AKAP6: variants seen among roughly 807,000 people sequenced by gnomAD.
AKAP6 encodes the protein A-kinase anchor protein 6.
AKAP6 carries 58 observed loss-of-function variants against 188.5 expected under a neutral mutation model. That is an observed-to-expected ratio of 0.31 (90% CI 0.25 to 0.38). AKAP6 has a LOEUF of 0.38. Among genes scored for constraint, AKAP6 ranks in the 10% least tolerant of loss-of-function variants. AKAP6 has a pLI of 1.00. For synonymous variants in AKAP6, 989 were observed against 998.6 expected, an observed-to-expected ratio of 0.99 and a Z score of 0.18; for missense variants, 2,710 against 2,740.0, an observed-to-expected ratio of 0.99 and a Z score of 0.24.
chr14:32,786,500 A>G (rs1448297633), intron 12 of AKAP6, among the ~76,000 whole-genome samples: 1 of 148,902 alleles, frequency 6.7e-6, no homozygotes, highest in East Asian at 2.0e-4. Context: ...TTATTTTTTT[A>G]TTTTTAGTAG....
At chr14:32,582,538 C>T (rs1885024700) in intron 5 of AKAP6, among the ~76,000 whole-genome samples, 1 of 152,094 alleles carries the variant, frequency 6.6e-6, no homozygotes, top group Admixed American at 6.5e-5. Flanking sequence ...GTTGGCCTGC[C>T]TTGCTAGACT....
At chr14:32,402,668 C>T (rs1889135990) in intron 1 of AKAP6, among the ~76,000 whole-genome samples, 1 of 151,978 alleles carries the variant, frequency 6.6e-6, no homozygotes, top group South Asian at 2.1e-4. Flanking sequence ...ATTATCCACA[C>T]AAGATCCACT....
chr14:32,435,483 T>C (rs189379823), intron 2 of AKAP6, among the ~76,000 whole-genome samples: 2 of 152,342 alleles, frequency 1.3e-5, no homozygotes, highest in East Asian at 3.9e-4. Flanking sequence ...ATTTAGTGTT[T>C]GAGAAACCAA....
At chr14:32,687,454 C>CTT (rs1261987239) in intron 8 of AKAP6, among the ~76,000 whole-genome samples, 1 of 132,890 alleles carries the variant, frequency 7.5e-6, no homozygotes, top group Non-Finnish European at 1.6e-5. Flanking sequence ...CTCTCTTTCT[C>CTT]TTTTTTTTTT....
chr14:32,606,761 A>G (rs1301369987), intron 7 of AKAP6, among the ~76,000 whole-genome samples: 1 of 152,162 alleles, frequency 6.6e-6, no homozygotes, highest in African/African-American at 2.4e-5. Flanking sequence ...GATTGAAGTC[A>G]TCTTCCTTTG....
chr14:32,428,297 T>C (rs1008053573), intron 1 of AKAP6, among the ~76,000 whole-genome samples: 7 of 152,114 alleles, frequency 4.6e-5, no homozygotes, highest in Admixed American at 2.0e-4. Context: ...TCACTGCTTG[T>C]TTGCAAAAGG....
At chr14:32,732,669 A>G in intron 10 of AKAP6, 69 bp downstream of exon 10, 1 of 1,539,178 alleles carries the variant, frequency 6.5e-7, no homozygotes, top group Non-Finnish European at 8.9e-7. Context: ...ACTCTGTCCG[A>G]TTTCTAATTT....
chr14:32,682,259 C>T (rs1384305978), intron 8 of AKAP6, among the ~76,000 whole-genome samples: 1 of 152,162 alleles, frequency 6.6e-6, no homozygotes, highest in African/African-American at 2.4e-5. Context: ...CAAAGACATA[C>T]CACAGTCTCT....
At chr14:32,651,998 G>A (rs1219492185) in intron 7 of AKAP6, among the ~76,000 whole-genome samples, 1 of 151,928 alleles carries the variant, frequency 6.6e-6, no homozygotes, top group Non-Finnish European at 1.5e-5. Context: ...TATTCCCTTA[G>A]GAATCTTATC....
intron 12 of AKAP6, among the ~76,000 whole-genome samples, chr14:32,786,465 G>C (rs925224254): frequency 6.9e-6 from 1 of 144,044 alleles, no homozygotes; most frequent in Admixed American, 7.1e-5. Context: ...CCACCACCAC[G>C]CCCGGCTAAT....
At chr14:32,725,153 C>G (rs113819536) in intron 9 of AKAP6, among the ~76,000 whole-genome samples, 2,203 of 152,096 alleles carry the variant, frequency 0.014, 50 homozygotes, top group African/African-American at 0.051. Context: ...TAAACTTTTC[C>G]CCTTTTACTA....
chr14:32,386,101 T>G (rs1888530040), intron 1 of AKAP6, among the ~76,000 whole-genome samples: 1 of 151,840 alleles, frequency 6.6e-6, no homozygotes, highest in South Asian at 2.1e-4. Flanking sequence ...TAAAGACTTC[T>G]TTTCCTCTGG....
At position 32,473,053 on chromosome 14, in the gene AKAP6, C is replaced by T. The variant is rs1382412655; in HGVS notation, c.324+39236C>T. Among the ~76,000 whole-genome samples, 3 of 152,134 alleles carry T rather than the reference C, an allele frequency of 2.0e-5. No homozygotes were observed. In the East Asian group the frequency reaches 5.8e-4, roughly 29 times the overall value. On this transcript the variant is annotated intron_variant, in intron 2 of 13. Coordinates refer to ENST00000280979, the MANE Select transcript of AKAP6 (RefSeq NM_004274.5). ...AGCTCACCCAAACACACATATTTGC[C>T]TAAATATAAATCCCTGTGGAATGTT...
rs1379091399 is a variant in AKAP6, at chr14:32,786,305, T to G, written c.3588+12412T>G. 2.5e-4 allele frequency among the ~76,000 whole-genome samples: 19 copies of G among 75,978 alleles called. 6 individuals carry two copies. The highest frequency in any genetic ancestry group is 2.1e-3 in the East Asian group (4 of 1,938). The allele number at this position is 75,978 out of a possible 152,430, so 49.8% of individuals were successfully genotyped here. A position where few individuals can be genotyped will look rare whatever the true frequency, so the allele number is the denominator to read the frequency against. ...AAAGACCTAAACCTTTATCTTTTTT[T>G]TTTTTTTTTTTTTTTTTTTTGAGAC... On this transcript the variant is annotated intron_variant, in intron 12 of 13. Coordinates refer to ENST00000280979, the MANE Select transcript of AKAP6 (RefSeq NM_004274.5).
chr14:32,804,427 C>T (rs998121423), intron 12 of AKAP6, among the ~76,000 whole-genome samples: 1 of 152,084 alleles, frequency 6.6e-6, no homozygotes, highest in South Asian at 2.1e-4. Flanking sequence ...AGTCTCAGAC[C>T]AGCAAGTTTT....
chr14:32,440,014 G>C (rs61981139), intron 2 of AKAP6, among the ~76,000 whole-genome samples: 12,145 of 152,126 alleles, frequency 0.08, 646 homozygotes, highest in South Asian at 0.22. Flanking sequence ...CATTTAGCAG[G>C]TTGTGAAATC....
intron 1 of AKAP6, among the ~76,000 whole-genome samples, chr14:32,365,755 C>T (rs1340902116): frequency 6.6e-6 from 1 of 152,162 alleles, no homozygotes; most frequent in Admixed American, 6.5e-5. Context: ...TATCTCACCT[C>T]CCCACTTCTC....
At chr14:32,449,136 G>A (rs1890849179) in intron 2 of AKAP6, among the ~76,000 whole-genome samples, 1 of 152,102 alleles carries the variant, frequency 6.6e-6, no homozygotes, top group African/African-American at 2.4e-5. Flanking sequence ...CCTCTACAAA[G>A]GCTTTCTATA....
chr14:32,670,501 A>T (rs1889137776), intron 7 of AKAP6, among the ~76,000 whole-genome samples: 1 of 152,198 alleles, frequency 6.6e-6, no homozygotes, highest in African/African-American at 2.4e-5. Context: ...AGGAAAAGAC[A>T]GGTGCTTAGA....
Sources: gnomAD v4.1 joint callset for allele counts (sites outside exome capture counted in the v4.1 genomes callset) on GRCh38, gnomAD v4.1.1 for gene constraint, MANE v1.5 for transcripts, NCBI Gene and HGNC (gene_info 2026-07-23, HGNC 2026-07-21) for gene names.